SHANK2: variants seen among roughly 807,000 people sequenced by gnomAD.
SHANK2 encodes the protein SH3 and multiple ankyrin repeat domains protein 2.
In SHANK2, 43 loss-of-function variants were observed where a neutral mutation model predicts 133.7. That is an observed-to-expected ratio of 0.32 (90% CI 0.25 to 0.41). The LOEUF (loss-of-function observed/expected upper bound fraction) is 0.41. SHANK2 is among the 10% of genes least tolerant of loss of function. The probability of loss-of-function intolerance (pLI) is 1.00; values close to 1 mark genes in which losing one functional copy is unlikely to be tolerated. For synonymous variants in SHANK2, 1,017 were observed against 952.8 expected (o/e 1.07, Z -1.24); for missense variants, 1,994 against 2,235.8 (o/e 0.89, Z 2.18).
At chr11:70,690,488 G>GTTTTTCTTTT (rs1945259381) in intron 15 of SHANK2, among the ~76,000 whole-genome samples, 1 of 32,802 alleles carries the variant, frequency 3.0e-5, no homozygotes, top group African/African-American at 1.2e-4. Context: ...TACTTCCCAT[G>GTTTTTCTTTT]TTTTTTTTTT....
chr11:71,217,793 G>A (rs1162430663), intron 2 of SHANK2, among the ~76,000 whole-genome samples: 1 of 152,226 alleles, frequency 6.6e-6, no homozygotes, highest in Non-Finnish European at 1.5e-5. Context: ...GAAACAAAAT[G>A]TTTGTATAGC....
chr11:70,554,696 G>T (rs1554979094), intron 17 of SHANK2, among the ~76,000 whole-genome samples: 2 of 151,970 alleles, frequency 1.3e-5, no homozygotes, highest in Non-Finnish European at 1.5e-5. Context: ...ATATTCGTTG[G>T]TTGTAACTAT....
intron 7 of SHANK2, among the ~76,000 whole-genome samples, chr11:71,093,485 G>T (rs1274263198): frequency 1.3e-5 from 2 of 152,076 alleles, no homozygotes; most frequent in Non-Finnish European, 2.9e-5. Flanking sequence ...CGGATTCTCA[G>T]GAATGGCTTA....
intron 24 of SHANK2, among the ~76,000 whole-genome samples, chr11:70,488,227 A>C (rs1216366495): frequency 6.6e-6 from 1 of 152,174 alleles, no homozygotes; most frequent in Non-Finnish European, 1.5e-5. Context: ...CAGGGGTCTA[A>C]GGCTGTCACC....
At position 70,882,583 on chromosome 11, in the gene SHANK2, C is replaced by G. The variant is rs868944621; in HGVS notation, c.1174+13918G>C. 6.6e-6 allele frequency among the ~76,000 whole-genome samples: 1 copy of G among 152,154 alleles called. No individual in the cohort carries two copies. Among genetic ancestry groups the G allele is most frequent in the Admixed American group, 6.5e-5 (1 of 15,284 alleles). On this transcript the variant is annotated intron_variant, in intron 11 of 25. Coordinates refer to ENST00000601538, the MANE Select transcript of SHANK2 (RefSeq NM_012309.5). This position sits in a 1 kb window ranked among gnomAD's most constrained non-coding sequence, Gnocchi z 4.2. Reference sequence around the variant, plus strand: ...AGAACAGGAGCAGGGGCCAGCTGGGCTAGTCTGTGCAGAAGCAGGCTTAGG... The same window carrying G: ...AGAACAGGAGCAGGGGCCAGCTGGGGTAGTCTGTGCAGAAGCAGGCTTAGG...
chr11:70,867,134 A>AAAAAT (rs1302560755), intron 11 of SHANK2, among the ~76,000 whole-genome samples: 3 of 144,784 alleles, frequency 2.1e-5, no homozygotes, highest in African/African-American at 7.6e-5. Context: ...AAAAAAAAAA[A>AAAAAT]GAGAGAGAGA....
chr11:70,609,747 C>T (rs7929472), intron 17 of SHANK2, among the ~76,000 whole-genome samples: 569 of 2,702 alleles, frequency 0.21, 4 homozygotes, highest in African/African-American at 0.28. Context: ...TACTATATTG[C>T]ATATTGTATA....
At chr11:71,229,166 G>A (rs1486593381) in intron 1 of SHANK2, among the ~76,000 whole-genome samples, 5 of 152,282 alleles carry the variant, frequency 3.3e-5, no homozygotes, top group African/African-American at 1.2e-4. Context: ...ATATGATCAG[G>A]ACCAAGGCAA....
chr11:70,506,082 G>A, intron 17 of SHANK2, among the ~76,000 whole-genome samples: 1 of 152,218 alleles, frequency 6.6e-6, no homozygotes, highest in Non-Finnish European at 1.5e-5. Flanking sequence ...GGGAGGCAAA[G>A]GACCAAAGAA....
intron 10 of SHANK2, among the ~76,000 whole-genome samples, chr11:70,954,534 G>T (rs978045801): frequency 6.6e-6 from 1 of 152,226 alleles, no homozygotes; most frequent in African/African-American, 2.4e-5. Context: ...CGAAGGGTCT[G>T]GGGGGCAAAA....
At chr11:71,099,462 A>G (rs1951682444) in intron 6 of SHANK2, among the ~76,000 whole-genome samples, 1 of 152,170 alleles carries the variant, frequency 6.6e-6, no homozygotes, top group Non-Finnish European at 1.5e-5. Flanking sequence ...GCAAATCTAG[A>G]ACTGTTCTAA....
intron 11 of SHANK2, among the ~76,000 whole-genome samples, chr11:70,837,201 T>C (rs1283873450): frequency 6.6e-6 from 1 of 152,232 alleles, no homozygotes; most frequent in Non-Finnish European, 1.5e-5. Context: ...CCAGGCAGAC[T>C]GAGCATGCCA....
Position 70,502,796 on chromosome 11 carries a change from C to G in SHANK2, c.2197G>C (p.Ala733Pro). The change falls in exon 18 of 26, where the codon GCT (alanine) becomes CCT (proline). Residue 733 changes from alanine (A) to proline (P), a missense_variant and splice_region_variant. Coordinates refer to ENST00000601538, the MANE Select transcript of SHANK2 (RefSeq NM_012309.5). ...GAGCTGGGCGATGTGGGGCATGTACCTTTCTTCCTGGCGGTGTCGTCGGGG... is the reference window on the plus strand; with the variant it reads ...GAGCTGGGCGATGTGGGGCATGTACGTTTCTTCCTGGCGGTGTCGTCGGGG... Reference protein sequence around the residue: ...LDPDDTARKKAPPPPKRAPTT... With the variant: ...LDPDDTARKKPPPPPKRAPTT... 2 of 1,440,802 alleles carry G rather than the reference C, an allele frequency of 1.4e-6. No homozygotes were observed. Among genetic ancestry groups the G allele is most frequent in the Non-Finnish European group, 1.9e-6 (2 of 1,076,846 alleles). 89.3% of individuals were successfully genotyped at this position (1,440,802 alleles called of 1,614,324 possible).
At chr11:70,950,843 G>GT (rs1288447443) in intron 10 of SHANK2, among the ~76,000 whole-genome samples, 2 of 151,676 alleles carry the variant, frequency 1.3e-5, no homozygotes, top group South Asian at 2.1e-4. Flanking sequence ...TTTTGTTTTG[G>GT]TTTTTTTGTA....
At chr11:71,219,390 C>G (rs1206616858) in intron 2 of SHANK2, among the ~76,000 whole-genome samples, 1 of 152,178 alleles carries the variant, frequency 6.6e-6, no homozygotes, top group Non-Finnish European at 1.5e-5. Flanking sequence ...GGATTAGCAT[C>G]TAGCATATAT....
At chr11:70,525,972 A>G (rs1367342164) in intron 17 of SHANK2, among the ~76,000 whole-genome samples, 1 of 151,096 alleles carries the variant, frequency 6.6e-6, no homozygotes, top group Non-Finnish European at 1.5e-5. Flanking sequence ...TCTCAGGAGG[A>G]CAGGCCCTGG....
chr11:71,098,459 G>T (rs539098971), intron 6 of SHANK2, among the ~76,000 whole-genome samples: 2 of 152,322 alleles, frequency 1.3e-5, no homozygotes, highest in East Asian at 3.9e-4. Flanking sequence ...GGGCTGGGTG[G>T]CCTCCAGCAG....
chr11:70,844,149 A>T (rs905443817), intron 11 of SHANK2, among the ~76,000 whole-genome samples: 7 of 152,150 alleles, frequency 4.6e-5, no homozygotes, highest in Non-Finnish European at 1.0e-4. Context: ...ACATCTCTGG[A>T]CAGGAGGACT....
At chr11:70,483,146 G>GT (rs1229940864) in intron 25 of SHANK2, among the ~76,000 whole-genome samples, 1 of 152,182 alleles carries the variant, frequency 6.6e-6, no homozygotes, top group Admixed American at 6.5e-5. Context: ...ACAAGGGGAA[G>GT]TGAGAGTCAG....
Sources: allele counts gnomAD v4.1 joint callset (sites outside exome capture counted in the v4.1 genomes callset), GRCh38; gene constraint gnomAD v4.1.1; non-coding constraint Gnocchi (gnomAD v3.1); transcripts MANE v1.5; gene names NCBI Gene and HGNC (gene_info 2026-07-23, HGNC 2026-07-21).